Variants in SPEG observed in about 807,000 individuals in gnomAD.
The protein encoded by SPEG is striated muscle enriched protein kinase.
Under a neutral mutation model 300.4 loss-of-function variants are expected in SPEG, and 114 were observed. The observed-to-expected ratio is 0.38, with a 90% CI of 0.33 to 0.44. SPEG has a LOEUF of 0.44. Among genes scored for constraint, SPEG ranks in the 20% least tolerant of loss-of-function variants. The pLI is 1.00. For missense variants in SPEG, 4,201 were observed against 4,586.2 expected, an observed-to-expected ratio of 0.92 and a Z score of 2.43; for synonymous variants, 1,964 against 2,018.9, an observed-to-expected ratio of 0.97 and a Z score of 0.73.
chr2:219,443,297 G>T lies in SPEG; in HGVS notation c.389-1356G>T. On this transcript the variant is annotated intron_variant, in intron 1 of 40. Coordinates refer to ENST00000312358, the MANE Select transcript of SPEG (RefSeq NM_005876.5). This position sits in a 1 kb window ranked among gnomAD's most constrained non-coding sequence, Gnocchi z 4.6. ...CCCCACACTTATCTACCACCCACCC[G>T]ACCAGGCCCCCTGTGCCCTACAGCT... 1.2e-6 allele frequency: 1 copy of T among 854,592 alleles called. No homozygotes were observed. Among genetic ancestry groups the T allele is most frequent in the South Asian group, 1.4e-5 (1 of 73,550 alleles). The allele number at this position is 854,592 out of a possible 1,614,324, so 52.9% of individuals were successfully genotyped here.
chr2:219,483,897 C>A lies in SPEG; in HGVS notation c.6434C>A (p.Ala2145Glu), dbSNP rs1322441652. The A allele has an allele frequency of 3.7e-6, 6 of 1,600,414 alleles. No individual in the cohort carries two copies. The highest frequency in any genetic ancestry group is 1.7e-5 in the Admixed American group (1 of 59,608). ...GAGCCCCGGGGCCGGCACCGCCGAG[C>A]GGGGGCGCCCCTCGAGATCCCCGTG... The part of the protein sequence containing the change: ...EAEPRGRHRR[A>E]GAPLEIPVAR... Residue 2145 changes from alanine to glutamate, a missense_variant, in exon 30 of 41, where the codon GCG (alanine) becomes GAG (glutamate). Transcript: ENST00000312358.
chr2:219,475,218 A>G (rs993280871), intron 18 of SPEG, among the ~76,000 whole-genome samples: 2 of 152,176 alleles, frequency 1.3e-5, no homozygotes, highest in Non-Finnish European at 2.9e-5. Flanking sequence ...GCCACTCAGA[A>G]CTCCTGATCA....
In SPEG at chr2:219,477,732, C is replaced by A. The variant is rs1692481125; in HGVS notation, c.4773C>A (p.Asp1591Glu). ...MEVEGVGEDEDHRGRRLSDFY... is the reference protein window; with the variant it reads ...MEVEGVGEDEEHRGRRLSDFY... ...TCGAGGGGGTCGGGGAGGATGAGGA[C>A]CATCGAGGAAGGAGACTCAGCGACT... The change falls in exon 21 of 41, where the codon GAC becomes GAA. Residue 1591 changes from aspartate to glutamate, a missense_variant. Asp to Glu is a conservative substitution (Grantham distance 45, BLOSUM62 2). Transcript: ENST00000312358. The surrounding 1 kb of genome is among the most constrained non-coding windows in gnomAD (Gnocchi z 6.4). 1 of 1,608,002 alleles carries A rather than the reference C, an allele frequency of 6.2e-7. No homozygotes were observed. The highest frequency in any genetic ancestry group is 1.3e-5 in the African/African-American group (1 of 74,842).
At chr2:219,457,137 TG>T (rs763054698) in intron 6 of SPEG, among the ~76,000 whole-genome samples, 79 of 152,274 alleles carry the variant, frequency 5.2e-4, no homozygotes, top group Admixed American at 8.5e-4. Flanking sequence ...TTTTCCGCAG[TG>T]GGGTTACCAC....
chr2:219,444,105 C>T lies in SPEG; in HGVS notation c.389-548C>T, dbSNP rs762321624. The T allele has an allele frequency of 2.3e-6, 3 of 1,309,362 alleles. No homozygotes were observed. In the South Asian group the frequency reaches 3.6e-5, roughly 16 times the overall value. The allele number at this position is 1,309,362 out of a possible 1,614,324, so 81.1% of individuals were successfully genotyped here. A position where few individuals can be genotyped will look rare whatever the true frequency, so the allele number is the denominator to read the frequency against. On this transcript the variant is annotated intron_variant, in intron 1 of 40. Transcript: ENST00000312358. This position sits in a 1 kb window ranked among gnomAD's most constrained non-coding sequence, Gnocchi z 7.8. ...CTAGCCCCCCGCATCCCCCCCTTTC[C>T]CACCCGGCCCCGGCCTCTCCTCACC...
intron 6 of SPEG, 84 bp from the exon 7 acceptor site, chr2:219,461,798 C>T: frequency 6.9e-7 from 1 of 1,439,248 alleles, no homozygotes. Context: ...GCCGCAACTC[C>T]TGGGCTCTGG....
Position 219,469,307 on chromosome 2 carries a change from C to T in SPEG, c.3643C>T (p.Pro1215Ser). 1 of 1,613,954 alleles carries T rather than the reference C, an allele frequency of 6.2e-7. No homozygotes were observed. The highest frequency in any genetic ancestry group is 8.5e-7 in the Non-Finnish European group (1 of 1,179,996). The part of the protein sequence containing the change: ...AMLECQVTGL[P>S]YPTISWFHNG... ...GCTAGAGTGCCAGGTGACCGGCCTGCCCTACCCCACCATCAGCTGGTTCCA... is the reference window on the plus strand; with the variant it reads ...GCTAGAGTGCCAGGTGACCGGCCTGTCCTACCCCACCATCAGCTGGTTCCA... Residue 1215 changes from proline to serine, a missense_variant, in exon 13 of 41, where the codon CCC becomes TCC. By Grantham distance (74) the Pro-to-Ser change is moderately conservative. Around this residue, in one of 4 missense-constraint regions of SPEG, gnomAD observed 1,047 missense variants for 1,356.8 expected, o/e 0.77. Transcript: ENST00000312358.
rs1217720003 is a variant in SPEG at position 219,469,916 on chromosome 2, CGAA to C, written c.3715+542_3715+544del. Among the ~76,000 whole-genome samples, 6 of 152,176 alleles carry C rather than the reference CGAA, an allele frequency of 3.9e-5. No individual in the cohort carries two copies. The East Asian group carries it at 1.2e-3, about 29-fold the overall frequency. On this transcript the variant is annotated intron_variant, in intron 13 of 40. Coordinates refer to ENST00000312358, the MANE Select transcript of SPEG (RefSeq NM_005876.5). The stretch of plus-strand genomic sequence containing the variant: ...AGGGTTGCTAACAAATAGCAAATAA[CGAA>C]GAAGGGGCCAGGGGAGACACAGAGG...
intron 18 of SPEG, among the ~76,000 whole-genome samples, chr2:219,476,107 A>T (rs1215919910): frequency 6.6e-6 from 1 of 152,102 alleles, no homozygotes; most frequent in East Asian, 1.9e-4. Context: ...ATTTAATTCC[A>T]TCATGAGAAT....
chr2:219,483,006 C>A, intron 29 of SPEG, 92 bp from the exon 30 acceptor site: 1 of 1,450,870 alleles, frequency 6.9e-7, no homozygotes, highest in Non-Finnish European at 9.4e-7. Context: ...CCTCTGCATG[C>A]TCAGGCCTCT....
chr2:219,484,429 CAGCA>C lies in SPEG; in HGVS notation c.6967_6970del (p.Ile2324LysfsTer28), dbSNP rs1693182022. On this transcript the variant is annotated frameshift_variant, in exon 30 of 41. Transcript: ENST00000312358. LOFTEE classifies it high-confidence loss of function. ...CCAGGCCAGGCAGCAGTCTCAGTAGCAGCATCGAAAACTTGGAGTCGGAGGCCGT... is the reference window on the plus strand; with the variant it reads ...CCAGGCCAGGCAGCAGTCTCAGTAGCTCGAAAACTTGGAGTCGGAGGCCGT... 5.6e-6 allele frequency: 9 copies of C among 1,611,312 alleles called. No individual in the cohort carries two copies. Among genetic ancestry groups the C allele is most frequent in the Non-Finnish European group, 7.6e-6 (9 of 1,179,840 alleles).
At chr2:219,474,704 T>G (rs1692186437) in intron 18 of SPEG, among the ~76,000 whole-genome samples, 1 of 152,134 alleles carries the variant, frequency 6.6e-6, no homozygotes, top group South Asian at 2.1e-4. Flanking sequence ...GGGCACATCT[T>G]ATCACCGAAC....
At chr2:219,461,384 A>AC in intron 6 of SPEG, 6 of 999,624 alleles carry the variant, frequency 6.0e-6, no homozygotes, top group Non-Finnish European at 7.1e-6. Flanking sequence ...TTGGCCCTGG[A>AC]CCGAGGTCGG....
intron 6 of SPEG, chr2:219,461,029 G>A (rs912812112): frequency 5.1e-6 from 5 of 977,030 alleles, no homozygotes; most frequent in Non-Finnish European, 6.1e-6. Flanking sequence ...TGGGGGCTTG[G>A]GGTGGGGGGA....
Position 219,449,106 on chromosome 2 carries a change from G to A in SPEG, c.1948G>A (p.Gly650Ser). 1.3e-6 allele frequency: 2 copies of A among 1,485,210 alleles called. No individual in the cohort carries two copies. Among genetic ancestry groups the A allele is most frequent in the African/African-American group, 1.5e-5 (1 of 67,890 alleles). 92.0% of individuals were successfully genotyped at this position (1,485,210 alleles called of 1,614,324 possible). A position where few individuals can be genotyped will look rare whatever the true frequency, so the allele number is the denominator to read the frequency against. Reference sequence around the variant, plus strand: ...GCCCTGGGCCACGCCGGGCCTGGAGGGCGCTGCTGTACCCCAGACCTTGGA... The same window carrying A: ...GCCCTGGGCCACGCCGGGCCTGGAGAGCGCTGCTGTACCCCAGACCTTGGA... ...FLPWATPGLE[G>S]AAVPQTLEKN... Residue 650 changes from glycine to serine, a missense_variant, in exon 4 of 41, where the codon GGC becomes AGC. Coordinates refer to ENST00000312358, the MANE Select transcript of SPEG (RefSeq NM_005876.5).
Position 219,473,957 on chromosome 2 carries a change from A to G in SPEG, c.4447+54A>G. 6.5e-7 allele frequency: 1 copy of G among 1,548,198 alleles called. No individual in the cohort carries two copies. Reference sequence around the variant, plus strand: ...CTCCCTCCAAGGCCCAAAGCTCTCTACTCACACCCCCAGGTACACAACCTG... The same window carrying G: ...CTCCCTCCAAGGCCCAAAGCTCTCTGCTCACACCCCCAGGTACACAACCTG... On this transcript the variant is annotated intron_variant, in intron 18 of 40. Transcript: ENST00000312358. This position sits in a 1 kb window ranked among gnomAD's most constrained non-coding sequence, Gnocchi z 4.6.
chr2:219,466,500 G>T, intron 9 of SPEG: 1 of 1,117,052 alleles, frequency 9.0e-7, no homozygotes, highest in Non-Finnish European at 1.1e-6. Flanking sequence ...GAGAGATTAC[G>T]GCATGGCATG....
rs1693269078 is a variant in SPEG at position 219,485,122 on chromosome 2, G to T, written c.7609+50G>T. 5.3e-6 allele frequency: 8 copies of T among 1,517,164 alleles called. No individual in the cohort carries two copies. The African/African-American group carries it at 6.9e-5, about 13-fold the overall frequency. The allele number at this position is 1,517,164 out of a possible 1,614,324, so 94.0% of individuals were successfully genotyped here. Reference sequence around the variant, plus strand: ...GCAGGTGCAGAGGAGGGTGGGGTGCGCTGGAGAGAGGCTGTGGGAGGAGCA... The same window carrying T: ...GCAGGTGCAGAGGAGGGTGGGGTGCTCTGGAGAGAGGCTGTGGGAGGAGCA... On this transcript the variant is annotated intron_variant, in intron 30 of 40. Transcript: ENST00000312358.
At position 219,468,839 on chromosome 2, in the gene SPEG, C is replaced by G; in HGVS notation, c.3302-20C>G. 8 of 1,608,964 alleles carry G rather than the reference C, an allele frequency of 5.0e-6. No individual in the cohort carries two copies. Among genetic ancestry groups the G allele is most frequent in the Non-Finnish European group, 6.8e-6 (8 of 1,176,892 alleles). On this transcript the variant is annotated intron_variant, in intron 11 of 40. Transcript: ENST00000312358. ...CCCCTCACTGTGCCTGCTCTGCATT[C>G]CCACCCCTCCTTTCTGCAGGCTGCC...
Sources: allele counts gnomAD v4.1 joint callset (sites outside exome capture counted in the v4.1 genomes callset), GRCh38; gene constraint gnomAD v4.1.1; regional missense constraint gnomAD v4.1.1; non-coding constraint Gnocchi (gnomAD v3.1); transcripts MANE v1.5; gene names NCBI Gene and HGNC (gene_info 2026-07-23, HGNC 2026-07-21).